Variants in JADE1 observed in about 807,000 individuals in gnomAD.
JADE1 encodes the protein jade family PHD finger 1, also known as protein Jade-1.
In JADE1, 14 loss-of-function variants were observed where a neutral mutation model predicts 81.8. The observed-to-expected ratio is 0.17, with a 90% CI of 0.11 to 0.27. JADE1 has a LOEUF of 0.27. Ranked by LOEUF, JADE1 falls within the 10% of genes least tolerant of loss-of-function variation. The pLI, the probability that JADE1 is intolerant of heterozygous loss-of-function variation, is 1.00. For synonymous variants in JADE1, 353 were observed against 391.9 expected, an observed-to-expected ratio of 0.90 and a Z score of 1.17; for missense variants, 690 against 1,047.9, an observed-to-expected ratio of 0.66 and a Z score of 4.71.
chr4:128,846,412 A>G lies in JADE1; in HGVS notation c.176A>G (p.His59Arg), dbSNP rs773777832. 6.2e-7 allele frequency: 1 copy of G among 1,614,180 alleles called. No homozygotes were observed. Among genetic ancestry groups the G allele is most frequent in the Non-Finnish European group, 8.5e-7 (1 of 1,180,020 alleles). The change falls in exon 4 of 11, where the codon CAT (histidine) becomes CGT (arginine). Residue 59 changes from histidine to arginine, a missense_variant. Around this residue, in one of 8 missense-constraint regions of JADE1, gnomAD observed 98 missense variants for 161.3 expected, o/e 0.61. Coordinates refer to ENST00000226319, the MANE Select transcript of JADE1 (RefSeq NM_199320.4). This position sits in a 1 kb window ranked among gnomAD's most constrained non-coding sequence, Gnocchi z 4.0. ...GACCTGATCACTGCCATGAAGTTGCATGACTCCTACCAGCTGAATCCGGAT... is the reference window on the plus strand; with the variant it reads ...GACCTGATCACTGCCATGAAGTTGCGTGACTCCTACCAGCTGAATCCGGAT... ...RTDLITAMKL[H>R]DSYQLNPDEY...
intron 1 of JADE1, among the ~76,000 whole-genome samples, chr4:128,816,677 C>T (rs539351540): frequency 2.8e-4 from 43 of 152,234 alleles, no homozygotes; most frequent in African/African-American, 8.9e-4. Context: ...TCCCTTAGAC[C>T]CATAGTGTAC....
Position 128,874,421 on chromosome 4 carries a change from T to C in JADE1, c.*2159T>C, listed in dbSNP as rs1035027834. The C allele has an allele frequency of 6.6e-6, 1 of 152,506 alleles. No individual in the cohort carries two copies. Among genetic ancestry groups the C allele is most frequent in the African/African-American group, 2.4e-5 (1 of 41,412 alleles). 9.4% of individuals were successfully genotyped at this position (152,506 alleles called of 1,614,324 possible). ...TGCAAAAATAATGCCTTACCTGTTT[T>C]TTCCCCACATTTAGGTTGAAAAGCT... On this transcript the variant is annotated 3_prime_UTR_variant, in exon 11 of 11. Coordinates refer to ENST00000226319, the MANE Select transcript of JADE1 (RefSeq NM_199320.4).
At chr4:128,845,064 C>T (rs994494620) in intron 3 of JADE1, among the ~76,000 whole-genome samples, 7 of 152,198 alleles carry the variant, frequency 4.6e-5, no homozygotes, top group South Asian at 2.1e-4. Flanking sequence ...CAAGCTTGCT[C>T]GATGCCAAAC....
At chr4:128,864,710 A>G in intron 9 of JADE1, 1 of 573,910 alleles carries the variant, frequency 1.7e-6, no homozygotes, top group Non-Finnish European at 2.2e-6. Flanking sequence ...AAATCATTTA[A>G]TACCTGTGAC....
At position 128,871,477 on chromosome 4, in the gene JADE1, C is replaced by G; in HGVS notation, c.1744C>G (p.Gln582Glu). The change falls in exon 11 of 11, where the codon CAA (glutamine) becomes GAA (glutamate). Residue 582 changes from glutamine to glutamate, a missense_variant. This residue lies in a region of JADE1 where 86 missense variants were observed against 95.4 expected (regional missense o/e 0.90). Coordinates refer to ENST00000226319, the MANE Select transcript of JADE1 (RefSeq NM_199320.4). The surrounding 1 kb of genome is among the most constrained non-coding windows in gnomAD (Gnocchi z 4.1). Reference protein sequence around the residue: ...LKWHSAFFRKQMGTSLVHSLK... With the variant: ...LKWHSAFFRKEMGTSLVHSLK... ...GTGGCATTCTGCATTCTTCAGAAAACAAATGGGTACTTCCTTGGTTCATTC... is the reference window on the plus strand; with the variant it reads ...GTGGCATTCTGCATTCTTCAGAAAAGAAATGGGTACTTCCTTGGTTCATTC... The G allele has an allele frequency of 1.2e-6, 2 of 1,614,176 alleles. No individual in the cohort carries two copies. Among genetic ancestry groups the G allele is most frequent in the East Asian group, 2.2e-5 (1 of 44,888 alleles).
chr4:128,870,835 A>G (rs1478296369), intron 10 of JADE1, among the ~76,000 whole-genome samples: 1 of 152,188 alleles, frequency 6.6e-6, no homozygotes, highest in Admixed American at 6.5e-5. Context: ...CATTTCCTTT[A>G]TTCATTCACA....
chr4:128,828,194 A>T (rs565312180), intron 1 of JADE1, among the ~76,000 whole-genome samples: 27 of 152,302 alleles, frequency 1.8e-4, no homozygotes, highest in African/African-American at 6.0e-4. Context: ...ATTATGTGCC[A>T]TTATATCTTC....
intron 5 of JADE1, among the ~76,000 whole-genome samples, chr4:128,849,456 A>G (rs1332541135): frequency 6.6e-6 from 1 of 152,198 alleles, no homozygotes; most frequent in African/African-American, 2.4e-5. Flanking sequence ...GCTGAAGTCC[A>G]GGGAAACGAA....
In JADE1 at chr4:128,823,395, A is replaced by G. The variant is rs1040811934; in HGVS notation, c.-26-8338A>G. Among the ~76,000 whole-genome samples, 50 of 152,358 alleles carry G rather than the reference A, an allele frequency of 3.3e-4. 1 individual carries two copies. The highest frequency in any genetic ancestry group is 1.2e-3 in the African/African-American group (48 of 41,594). On this transcript the variant is annotated intron_variant, in intron 1 of 10. Transcript: ENST00000226319. ...AAATCTGAGTTCAAAAATAACTTAT[A>G]AAGAATTTAAAGTGAACTAATGTAT...
At chr4:128,821,147 C>T (rs558261385) in intron 1 of JADE1, among the ~76,000 whole-genome samples, 1 of 152,304 alleles carries the variant, frequency 6.6e-6, no homozygotes, top group African/African-American at 2.4e-5. Context: ...ACACAAACTC[C>T]TGATTTCAGT....
In JADE1 at chr4:128,846,200, G is replaced by C. The variant is rs1470981153; in HGVS notation, c.139-175G>C. Among the ~76,000 whole-genome samples the C allele has an allele frequency of 6.6e-6, 1 of 152,160 alleles. No homozygotes were observed. The highest frequency in any genetic ancestry group is 1.5e-5 in the Non-Finnish European group (1 of 68,026). On this transcript the variant is annotated intron_variant, in intron 3 of 10. Coordinates refer to ENST00000226319, the MANE Select transcript of JADE1 (RefSeq NM_199320.4). This position sits in a 1 kb window ranked among gnomAD's most constrained non-coding sequence, Gnocchi z 4.0. The stretch of plus-strand genomic sequence containing the variant: ...TTCCCTCAGCACTGCCACCCCCCAT[G>C]CCTGAGTGAGGTAAAAGGCGTGTCA...
chr4:128,859,451 G>A (rs865802354), intron 8 of JADE1, among the ~76,000 whole-genome samples: 1 of 152,094 alleles, frequency 6.6e-6, no homozygotes, highest in Non-Finnish European at 1.5e-5. Flanking sequence ...GTGTATGCGC[G>A]TGAGTGCGTG....
At chr4:128,855,296 G>A (rs886637144) in intron 6 of JADE1, among the ~76,000 whole-genome samples, 3 of 152,232 alleles carry the variant, frequency 2.0e-5, no homozygotes, top group African/African-American at 7.2e-5. Flanking sequence ...ACTTGGTATG[G>A]ATGGGTTTCT....
chr4:128,858,629 G>A (rs181805771), intron 8 of JADE1, among the ~76,000 whole-genome samples: 1 of 148,264 alleles, frequency 6.7e-6, no homozygotes, highest in Non-Finnish European at 1.5e-5. Context: ...TTGAGACAGA[G>A]TCTCACTCTG....
intron 1 of JADE1, among the ~76,000 whole-genome samples, chr4:128,825,082 C>G (rs762819548): frequency 1.3e-5 from 2 of 152,070 alleles, no homozygotes; most frequent in South Asian, 4.2e-4. Flanking sequence ...CTATATTGCC[C>G]GGGCTGGGGT....
rs1273876904 is a variant in JADE1, at chr4:128,862,018, C to A, written c.1296C>A (p.Asn432Lys). ...AGGATGAGTTCTACACCTTCGTCAA[C>A]CTGCTGGATGTTGCCAGGGCTCTGC... ...QLEDEFYTFV[N>K]LLDVARALRL... Residue 432 changes from asparagine to lysine, a missense_variant, in exon 9 of 11, where the codon AAC becomes AAA. Asn to Lys is a moderately conservative substitution (Grantham distance 94). Transcript: ENST00000226319. The A allele has an allele frequency of 2.0e-5, 32 of 1,614,184 alleles. No homozygotes were observed. The highest frequency in any genetic ancestry group is 2.6e-5 in the Non-Finnish European group (31 of 1,180,028).
At position 128,855,671 on chromosome 4, in the gene JADE1, G is replaced by A. The variant is rs1010791289; in HGVS notation, c.738G>A (p.Leu246=). 6.2e-7 allele frequency: 1 copy of A among 1,614,100 alleles called. No homozygotes were observed. The highest frequency in any genetic ancestry group is 1.3e-5 in the African/African-American group (1 of 75,066). The change falls in exon 7 of 11, where the codon CTG becomes CTA. Residue 246 remains leucine (L), a synonymous_variant. Transcript: ENST00000226319. The part of the protein sequence containing the change: ...GILKVPEGSW[L]CRTCALGVQP... ...TCAAGGTACCAGAGGGCAGCTGGCT[G>A]TGCCGGACATGTGCCCTGGGGGTTC...
At chr4:128,840,440 C>G (rs1352039441) in intron 2 of JADE1, among the ~76,000 whole-genome samples, 2 of 152,164 alleles carry the variant, frequency 1.3e-5, no homozygotes, top group Admixed American at 6.5e-5. Flanking sequence ...ATAACCTTTT[C>G]CATAGTAATT....
intron 9 of JADE1, 54 bp from the exon 10 acceptor site, chr4:128,867,802 A>G: frequency 2.6e-6 from 3 of 1,168,990 alleles, no homozygotes; most frequent in South Asian, 1.3e-5. Context: ...AAAAAGCACC[A>G]AAGTACTGTT....
Sources: gnomAD v4.1 joint callset for allele counts (sites outside exome capture counted in the v4.1 genomes callset) on GRCh38, gnomAD v4.1.1 for gene constraint, gnomAD v4.1.1 regional missense constraint, Gnocchi (gnomAD v3.1) non-coding constraint, MANE v1.5 for transcripts, NCBI Gene and HGNC (gene_info 2026-07-23, HGNC 2026-07-21) for gene names.